NKAIN3: variants seen among roughly 807,000 people sequenced by gnomAD.
NKAIN3 encodes sodium/potassium-transporting ATPase subunit beta-1-interacting protein 3.
In NKAIN3, 25 loss-of-function variants were observed where a neutral mutation model predicts 30.2. That is an observed-to-expected ratio of 0.83 (90% CI 0.60 to 1.16). The LOEUF (loss-of-function observed/expected upper bound fraction) is 1.16, where lower values mean the gene tolerates loss of function less well. Among genes scored for constraint, NKAIN3 ranks in the 50% most tolerant of loss-of-function variants. The pLI is 0.00. For missense variants in NKAIN3, 225 were observed against 254.1 expected, an observed-to-expected ratio of 0.89 and a Z score of 0.78; for synonymous variants, 91 against 89.6, an observed-to-expected ratio of 1.02 and a Z score of -0.09.
intron 1 of NKAIN3, among the ~76,000 whole-genome samples, chr8:62,298,669 G>A (rs748750528): frequency 2.6e-5 from 4 of 151,952 alleles, no homozygotes; most frequent in Non-Finnish European, 5.9e-5. Context: ...CACCTTTCTT[G>A]TCTTCTCTTC....
chr8:62,284,345 T>C (rs1813300467), intron 1 of NKAIN3, among the ~76,000 whole-genome samples: 1 of 152,072 alleles, frequency 6.6e-6, no homozygotes, highest in Admixed American at 6.6e-5. Flanking sequence ...AAGGGTAGAC[T>C]GTACCCAGGC....
chr8:62,851,340 C>T (rs897934835), intron 4 of NKAIN3, among the ~76,000 whole-genome samples: 1 of 151,948 alleles, frequency 6.6e-6, no homozygotes, highest in Non-Finnish European at 1.5e-5. Context: ...TGCCTATCAG[C>T]TTAAGGAGAT....
At chr8:62,350,046 C>T (rs1291225207) in intron 1 of NKAIN3, among the ~76,000 whole-genome samples, 1 of 152,200 alleles carries the variant, frequency 6.6e-6, no homozygotes, top group Non-Finnish European at 1.5e-5. Context: ...GGTGCAGCCA[C>T]TGTGAAAAGC....
intron 4 of NKAIN3, among the ~76,000 whole-genome samples, chr8:62,874,541 G>A (rs551636961): frequency 1.3e-3 from 204 of 152,310 alleles, no homozygotes; most frequent in Admixed American, 3.1e-3. Context: ...AAATATCCCT[G>A]ATGAACATCA....
chr8:62,695,271 C>T (rs1425561130), intron 3 of NKAIN3, among the ~76,000 whole-genome samples: 4 of 152,294 alleles, frequency 2.6e-5, no homozygotes, highest in Middle Eastern at 3.4e-3. Context: ...ATCACCCACA[C>T]CTAACACAGT....
At chr8:62,822,487 CA>C (rs1276308151) in intron 4 of NKAIN3, among the ~76,000 whole-genome samples, 2 of 152,082 alleles carry the variant, frequency 1.3e-5, no homozygotes, top group African/African-American at 4.8e-5. Flanking sequence ...GAAAGTATCC[CA>C]AAATACCTAA....
At chr8:62,634,397 T>G (rs1306236660) in intron 3 of NKAIN3, among the ~76,000 whole-genome samples, 2 of 152,128 alleles carry the variant, frequency 1.3e-5, no homozygotes, top group Non-Finnish European at 2.9e-5. Context: ...AAACTCTTAA[T>G]TTTAGTACAT....
At chr8:62,515,946 T>G (rs1471750113) in intron 1 of NKAIN3, among the ~76,000 whole-genome samples, 6 of 152,130 alleles carry the variant, frequency 3.9e-5, no homozygotes, top group Non-Finnish European at 2.9e-5. Flanking sequence ...TTCCTTAGAT[T>G]TTTAAGATAT....
chr8:62,934,363 G>A (rs1822718435), intron 5 of NKAIN3, among the ~76,000 whole-genome samples: 1 of 109,972 alleles, frequency 9.1e-6, no homozygotes, highest in African/African-American at 3.7e-5. Flanking sequence ...GGACAACAAA[G>A]CAGGACCCTG....
In NKAIN3 at chr8:62,675,296, G is replaced by A. The variant is rs73685430; in HGVS notation, c.274-71636G>A. On this transcript the variant is annotated intron_variant, in intron 3 of 6. Transcript: ENST00000623646. ...ACATTGCCAAATATCACTGATTTAT[G>A]CTCCTTTATTCATGATCTATACACC... 4.5e-3 allele frequency among the ~76,000 whole-genome samples: 689 copies of A among 152,186 alleles called. 2 individuals are homozygous for A. Among genetic ancestry groups the A allele is most frequent in the African/African-American group, 0.016 (652 of 41,506 alleles).
chr8:62,668,166 T>C (rs1258443158), intron 3 of NKAIN3, among the ~76,000 whole-genome samples: 1 of 151,830 alleles, frequency 6.6e-6, no homozygotes, highest in East Asian at 1.9e-4. Flanking sequence ...CTTGGTGTAC[T>C]TCATTGTTTT....
At chr8:62,990,152 T>G in intron 5 of NKAIN3, 1 of 1,154,122 alleles carries the variant, frequency 8.7e-7, no homozygotes, top group Non-Finnish European at 1.3e-6. Context: ...AAAATCAACT[T>G]ATTTTTTATT....
At chr8:62,535,326 G>A (rs1390242049) in intron 1 of NKAIN3, among the ~76,000 whole-genome samples, 2 of 152,082 alleles carry the variant, frequency 1.3e-5, no homozygotes, top group Non-Finnish European at 2.9e-5. Context: ...TGTGTGGGGT[G>A]TTTTTCCCCA....
intron 1 of NKAIN3, among the ~76,000 whole-genome samples, chr8:62,320,293 C>T (rs1440854273): frequency 6.6e-6 from 1 of 152,102 alleles, no homozygotes; most frequent in Non-Finnish European, 1.5e-5. Flanking sequence ...TCCAATTTGC[C>T]AGTCTGTGTC....
chr8:62,514,960 A>G (rs1358746119), intron 1 of NKAIN3, among the ~76,000 whole-genome samples: 1 of 152,132 alleles, frequency 6.6e-6, no homozygotes, highest in Non-Finnish European at 1.5e-5. Flanking sequence ...ATATGTGATT[A>G]AGTATTGATA....
At chr8:62,766,669 C>T in intron 4 of NKAIN3, among the ~76,000 whole-genome samples, 1 of 152,190 alleles carries the variant, frequency 6.6e-6, no homozygotes, top group Non-Finnish European at 1.5e-5. Flanking sequence ...GCAAAAAAAC[C>T]TTATCCACTA....
chr8:62,314,909 A>G (rs937080359), intron 1 of NKAIN3, among the ~76,000 whole-genome samples: 1 of 152,174 alleles, frequency 6.6e-6, no homozygotes, highest in Non-Finnish European at 1.5e-5. Context: ...AAACTGATTC[A>G]GGAGTTTAAA....
chr8:62,957,185 G>A (rs1823441632), intron 6 of NKAIN3, among the ~76,000 whole-genome samples: 1 of 151,840 alleles, frequency 6.6e-6, no homozygotes. Context: ...CCAGTGGGGA[G>A]TGCAGTGGCA....
chr8:62,427,389 C>T (rs945773380), intron 1 of NKAIN3, among the ~76,000 whole-genome samples: 5 of 151,980 alleles, frequency 3.3e-5, no homozygotes, highest in Non-Finnish European at 5.9e-5. Flanking sequence ...GACTCAGATC[C>T]TGGGTCCCCT....
Sources: allele counts gnomAD v4.1 joint callset (sites outside exome capture counted in the v4.1 genomes callset), GRCh38; gene constraint gnomAD v4.1.1; transcripts MANE v1.5; gene names NCBI Gene and HGNC (gene_info 2026-07-23, HGNC 2026-07-21).